The following ESRRG variants were observed in gnomAD, a reference collection of about 807,000 sequenced individuals.
ESRRG encodes estrogen related receptor gamma.
A neutral mutation model predicts 44.0 loss-of-function variants in ESRRG; 13 were observed. The observed-to-expected ratio is 0.30, with a 90% confidence interval of 0.19 to 0.47. The LOEUF is 0.47. ESRRG is among the 20% of genes least tolerant of loss of function. ESRRG has a pLI of 1.00. For missense variants in ESRRG, 395 were observed against 580.6 expected (o/e 0.68, Z 3.29); for synonymous variants, 215 against 214.6 (o/e 1.00, Z -0.02).
At chr1:217,024,443 A>G (rs1386363117) in intron 1 of ESRRG, among the ~76,000 whole-genome samples, 1 of 151,920 alleles carries the variant, frequency 6.6e-6, no homozygotes, top group African/African-American at 2.4e-5. Context: ...GGACACCACC[A>G]GAGAAGTTAG....
At chr1:216,929,545 T>C (rs1240986205) in intron 2 of ESRRG, among the ~76,000 whole-genome samples, 3 of 152,086 alleles carry the variant, frequency 2.0e-5, no homozygotes, top group Non-Finnish European at 4.4e-5. Flanking sequence ...GGAATTTGAA[T>C]AAGAGTTGGG....
At chr1:216,983,183 T>A (rs2150408973) in intron 1 of ESRRG, among the ~76,000 whole-genome samples, 1 of 152,180 alleles carries the variant, frequency 6.6e-6, no homozygotes, top group Non-Finnish European at 1.5e-5. Context: ...TTAGAATTAG[T>A]ATTAGAATTA....
chr1:217,074,454 A>ACCC (rs1374348757), intron 1 of ESRRG, among the ~76,000 whole-genome samples: 23 of 149,232 alleles, frequency 1.5e-4, no homozygotes, highest in African/African-American at 3.8e-4. Flanking sequence ...ACCCCCCCCA[A>ACCC]AAAAAAAAAA....
intron 1 of ESRRG, among the ~76,000 whole-genome samples, chr1:216,956,067 T>G (rs937915311): frequency 6.6e-6 from 1 of 152,090 alleles, no homozygotes; most frequent in East Asian, 1.9e-4. Context: ...AATATCTACT[T>G]TTTGGTTGCT....
chr1:217,012,074 A>T (rs1379475998), intron 1 of ESRRG, among the ~76,000 whole-genome samples: 1 of 152,136 alleles, frequency 6.6e-6, no homozygotes, highest in East Asian at 1.9e-4. Context: ...ACAAATATAA[A>T]TGTAAAGTAA....
intron 1 of ESRRG, among the ~76,000 whole-genome samples, chr1:216,715,902 A>C (rs2084762554): frequency 6.6e-6 from 1 of 152,026 alleles, no homozygotes; most frequent in Admixed American, 6.6e-5. Context: ...AGGAATTATC[A>C]TTTACAAAGG....
At chr1:217,080,934 G>A (rs975481302) in intron 1 of ESRRG, among the ~76,000 whole-genome samples, 1 of 151,744 alleles carries the variant, frequency 6.6e-6, no homozygotes, top group Non-Finnish European at 1.5e-5. Context: ...GCCTCGGCCT[G>A]CCAAAGTGTT....
intron 1 of ESRRG, among the ~76,000 whole-genome samples, chr1:217,101,077 G>A (rs893469267): frequency 3.3e-5 from 5 of 152,150 alleles, no homozygotes; most frequent in Non-Finnish European, 5.9e-5. Context: ...AAGTGTTGAC[G>A]GTTAGCCTAA....
rs149761627 is a variant in ESRRG, at chr1:217,038,835, T to C, written c.-106+50672A>G. ...CTCCCCCAGAAAATGGGATTTTCCT[T>C]TCTATCACATTGTCAGGCTGCAAAT... On this transcript the variant is annotated intron_variant, in intron 1 of 7. Transcript: ENST00000359162. Among the ~76,000 whole-genome samples the C allele has an allele frequency of 3.9e-5, 6 of 152,378 alleles. No individual in the cohort carries two copies. The East Asian group carries it at 1.2e-3, about 29-fold the overall frequency.
chr1:216,646,481 T>G (rs2067612572), intron 3 of ESRRG, among the ~76,000 whole-genome samples: 2 of 152,200 alleles, frequency 1.3e-5, no homozygotes, highest in African/African-American at 4.8e-5. Flanking sequence ...CTAAAGCGAG[T>G]TAGTCTTAGA....
intron 3 of ESRRG, among the ~76,000 whole-genome samples, chr1:216,647,848 T>C (rs914094728): frequency 6.6e-6 from 1 of 152,208 alleles, no homozygotes; most frequent in Non-Finnish European, 1.5e-5. Flanking sequence ...TAAAAATACC[T>C]GTTAAAGGAG....
intron 2 of ESRRG, among the ~76,000 whole-genome samples, chr1:216,806,517 G>A (rs2094797772): frequency 6.6e-6 from 1 of 152,040 alleles, no homozygotes; most frequent in African/African-American, 2.4e-5. Context: ...ACATTTCTTT[G>A]TGCTTATCAA....
At position 216,504,234 on chromosome 1, in the gene ESRRG, T is replaced by C. The variant is rs2040834734; in HGVS notation, c.*2705A>G. 6.6e-6 allele frequency: 1 copy of C among 152,144 alleles called. No individual in the cohort carries two copies. Among genetic ancestry groups the C allele is most frequent in the Non-Finnish European group, 1.5e-5 (1 of 67,998 alleles). The allele number at this position is 152,144 out of a possible 1,614,324, so 9.4% of individuals were successfully genotyped here. On this transcript the variant is annotated 3_prime_UTR_variant, in exon 7 of 7. Coordinates refer to ENST00000408911, the MANE Select transcript of ESRRG (RefSeq NM_001438.4). ...ATTTATATATAGTGTAGTTGAATAG[T>C]AGCAACTTAAACCCTGCACAAACTT... is the stretch of plus-strand genomic sequence containing the variant.
chr1:216,933,864 G>T (rs539514625), intron 2 of ESRRG, among the ~76,000 whole-genome samples: 1 of 152,082 alleles, frequency 6.6e-6, no homozygotes, highest in African/African-American at 2.4e-5. Flanking sequence ...TTGGACTATA[G>T]CTTTGCCTCC....
intron 2 of ESRRG, among the ~76,000 whole-genome samples, chr1:216,856,830 A>T (rs1001296517): frequency 2.0e-5 from 3 of 152,194 alleles, no homozygotes; most frequent in African/African-American, 7.2e-5. Context: ...AAGCCTTTTT[A>T]AAATGCCTTA....
Position 216,808,581 on chromosome 1 carries a change from T to C in ESRRG, c.-14+131001A>G, listed in dbSNP as rs567705746. Among the ~76,000 whole-genome samples, 5 of 152,082 alleles carry C rather than the reference T, an allele frequency of 3.3e-5. No individual in the cohort carries two copies. The South Asian group carries it at 1.0e-3, about 32-fold the overall frequency. The stretch of plus-strand genomic sequence containing the variant: ...AGCTGAGACTACAGGCAGGTGTCAC[T>C]CCACCGGCTAATTTTTGTATTTTTT... On this transcript the variant is annotated intron_variant, in intron 2 of 7. Transcript: ENST00000359162.
intron 2 of ESRRG, among the ~76,000 whole-genome samples, chr1:216,890,147 C>T (rs1218199386): frequency 6.6e-6 from 1 of 151,976 alleles, no homozygotes; most frequent in Non-Finnish European, 1.5e-5. Flanking sequence ...TGACTGTAGT[C>T]CCAGTGACTT....
intron 5 of ESRRG, among the ~76,000 whole-genome samples, chr1:216,561,747 T>C (rs1454977010): frequency 1.3e-5 from 2 of 152,198 alleles, no homozygotes; most frequent in East Asian, 3.8e-4. Context: ...TGCTAATCCC[T>C]TTCTGAAAAG....
At chr1:217,048,742 G>A (rs542577119) in intron 1 of ESRRG, among the ~76,000 whole-genome samples, 4 of 152,282 alleles carry the variant, frequency 2.6e-5, no homozygotes, top group South Asian at 4.2e-4. Flanking sequence ...CAGAACTTAC[G>A]AGGAAAATCA....
Sources: gnomAD v4.1 joint callset for allele counts (sites outside exome capture counted in the v4.1 genomes callset) on GRCh38, gnomAD v4.1.1 for gene constraint, MANE v1.5 for transcripts, NCBI Gene and HGNC (gene_info 2026-07-23, HGNC 2026-07-21) for gene names.